The following SMG6 variants were observed in gnomAD, a reference collection of about 807,000 sequenced individuals.
SMG6 encodes telomerase-binding protein EST1A.
In SMG6, 66 loss-of-function variants were observed where a neutral mutation model predicts 142.2. The observed-to-expected ratio is 0.46, with a 90% CI of 0.38 to 0.57. The LOEUF (loss-of-function observed/expected upper bound fraction) is 0.57. Ranked by LOEUF, SMG6 falls within the 20% of genes least tolerant of loss-of-function variation. SMG6 has a pLI of 0.00. For missense variants in SMG6, 1,793 were observed against 1,832.0 expected (o/e 0.98, Z 0.39); for synonymous variants, 779 against 702.4 (o/e 1.11, Z -1.72).
intron 13 of SMG6, among the ~76,000 whole-genome samples, chr17:2,128,817 CAAAAAA>C (rs367580981): frequency 1.4e-5 from 1 of 73,078 alleles, no homozygotes; most frequent in South Asian, 4.8e-4. Flanking sequence ...GAGCAAGACT[CAAAAAA>C]AAAAAAAAAA....
chr17:2,280,254 C>A (rs1419016154), intron 8 of SMG6, among the ~76,000 whole-genome samples: 1 of 151,930 alleles, frequency 6.6e-6, no homozygotes, highest in Non-Finnish European at 1.5e-5. Flanking sequence ...AGTTATGAAA[C>A]TGCAGATTTC....
At chr17:2,261,619 T>C (rs991392325) in intron 8 of SMG6, among the ~76,000 whole-genome samples, 4 of 152,240 alleles carry the variant, frequency 2.6e-5, no homozygotes, top group Non-Finnish European at 4.4e-5. Flanking sequence ...ACTGGTGCTA[T>C]AATAAACAAC....
At chr17:2,173,163 T>G in intron 12 of SMG6, 1 of 382,614 alleles carries the variant, frequency 2.6e-6, no homozygotes, top group Non-Finnish European at 4.9e-6. Flanking sequence ...TTCCAGACAG[T>G]GTGCCTGAGA....
At chr17:2,174,635 C>T (rs1280105267) in intron 12 of SMG6, among the ~76,000 whole-genome samples, 1 of 152,150 alleles carries the variant, frequency 6.6e-6, no homozygotes. Flanking sequence ...AGGCTTTACC[C>T]AGGAAAAAGA....
chr17:2,213,307 G>C (rs2072917600), intron 10 of SMG6, among the ~76,000 whole-genome samples: 1 of 152,206 alleles, frequency 6.6e-6, no homozygotes, highest in Non-Finnish European at 1.5e-5. Context: ...AAGAAAGATT[G>C]AGCTGACAAT....
chr17:2,302,440 C>G (rs1248581426), intron 1 of SMG6, among the ~76,000 whole-genome samples: 1 of 152,130 alleles, frequency 6.6e-6, no homozygotes, highest in Non-Finnish European at 1.5e-5. Flanking sequence ...ACTGGGGAGG[C>G]TGAGGTAGGA....
At chr17:2,238,277 T>G (rs2073716156) in intron 9 of SMG6, among the ~76,000 whole-genome samples, 2 of 152,232 alleles carry the variant, frequency 1.3e-5, no homozygotes, top group Admixed American at 6.5e-5. Flanking sequence ...TCATTTTCAT[T>G]GGCACAAAAG....
At chr17:2,255,432 A>AAAAT (rs2074149977) in intron 8 of SMG6, among the ~76,000 whole-genome samples, 1 of 144,326 alleles carries the variant, frequency 6.9e-6, no homozygotes, top group Admixed American at 6.9e-5. Context: ...AAAAAAAAGA[A>AAAAT]TGTGATCTTC....
chr17:2,262,632 G>A (rs999856774), intron 8 of SMG6, among the ~76,000 whole-genome samples: 3 of 152,078 alleles, frequency 2.0e-5, no homozygotes, highest in Non-Finnish European at 2.9e-5. Context: ...TACCTTTCTA[G>A]GTCGCTCTAC....
At chr17:2,087,907 C>T in intron 13 of SMG6, 1 of 985,870 alleles carries the variant, frequency 1.0e-6, no homozygotes, top group Non-Finnish European at 1.2e-6. Context: ...GTGTCAGCCA[C>T]CTGACCCCAC....
intron 15 of SMG6, 138 bp from the exon 16 acceptor site, chr17:2,069,069 G>A (rs148547154): frequency 2.6e-5 from 21 of 809,540 alleles, no homozygotes; most frequent in East Asian, 2.4e-4. Context: ...AGTCCCCGTC[G>A]GGTCTCAGGG....
chr17:2,291,689 A>T (rs565464817), intron 6 of SMG6, among the ~76,000 whole-genome samples: 1 of 95,150 alleles, frequency 1.1e-5, no homozygotes, highest in South Asian at 3.6e-4. Flanking sequence ...CCTGGGCAAC[A>T]AAGCAATACC....
At chr17:2,091,934 G>A (rs1225743374) in intron 13 of SMG6, among the ~76,000 whole-genome samples, 1 of 150,694 alleles carries the variant, frequency 6.6e-6, no homozygotes, top group African/African-American at 2.4e-5. Context: ...CGCCCGCCTT[G>A]GCCAACCAAA....
At chr17:2,229,983 T>G (rs927029255) in intron 10 of SMG6, among the ~76,000 whole-genome samples, 1 of 151,472 alleles carries the variant, frequency 6.6e-6, no homozygotes, top group African/African-American at 2.4e-5. Context: ...GTCAGGAGTT[T>G]GAGACCAGCC....
intron 13 of SMG6, among the ~76,000 whole-genome samples, chr17:2,100,606 T>A (rs2068979603): frequency 6.6e-6 from 1 of 152,250 alleles, no homozygotes; most frequent in South Asian, 2.1e-4. Context: ...GACAGGGTTT[T>A]GCTCTCTCAC....
In SMG6 at chr17:2,182,438, C is replaced by T. The variant is rs192966181; in HGVS notation, c.3155+4225G>A. ...CCGATGCTGTGAGTGCCGCCCACAC[C>T]GTTACAGAGCTAGAGGTGGGGAGGG... On this transcript the variant is annotated intron_variant, in intron 12 of 18. Coordinates refer to ENST00000263073, the MANE Select transcript of SMG6 (RefSeq NM_017575.5). Among the ~76,000 whole-genome samples, 238 of 152,218 alleles carry T rather than the reference C, an allele frequency of 1.6e-3. 2 individuals are homozygous for T. Among genetic ancestry groups the T allele is most frequent in the Non-Finnish European group, 3.1e-3 (211 of 67,998 alleles).
At chr17:2,182,990 G>T (rs547699373) in intron 12 of SMG6, among the ~76,000 whole-genome samples, 3 of 152,112 alleles carry the variant, frequency 2.0e-5, no homozygotes, top group Admixed American at 6.6e-5. Flanking sequence ...GTGGGAGGCC[G>T]AGGCAGGCAG....
At chr17:2,244,457 A>G (rs1335907304) in intron 9 of SMG6, among the ~76,000 whole-genome samples, 1 of 152,194 alleles carries the variant, frequency 6.6e-6, no homozygotes. Flanking sequence ...GAAAGAAGAA[A>G]CAAGAGAGAT....
chr17:2,136,434 T>C (rs1462479474), intron 13 of SMG6, among the ~76,000 whole-genome samples: 6 of 152,194 alleles, frequency 3.9e-5, no homozygotes, highest in Non-Finnish European at 1.5e-5. Flanking sequence ...TGGCATTTCT[T>C]CATTTCTATC....
Sources: allele counts gnomAD v4.1 joint callset (sites outside exome capture counted in the v4.1 genomes callset), GRCh38; gene constraint gnomAD v4.1.1; transcripts MANE v1.5; gene names NCBI Gene and HGNC (gene_info 2026-07-23, HGNC 2026-07-21).